The following PYGB variants were observed in gnomAD, a reference collection of about 807,000 sequenced individuals.
The protein encoded by PYGB is glycogen phosphorylase B.
A neutral mutation model predicts 94.3 loss-of-function variants in PYGB; 82 were observed. The ratio of observed to expected loss-of-function variants is 0.87; its 90% CI spans 0.73 to 1.04. The LOEUF (loss-of-function observed/expected upper bound fraction) is 1.04, where lower values mean the gene tolerates loss of function less well. Among genes scored for constraint, PYGB ranks in the 50% least tolerant of loss-of-function variants. PYGB has a pLI of 0.00. For synonymous variants in PYGB, 488 were observed against 479.1 expected, an observed-to-expected ratio of 1.02 and a Z score of -0.24; for missense variants, 1,132 against 1,158.2, an observed-to-expected ratio of 0.98 and a Z score of 0.33.
intron 2 of PYGB, among the ~76,000 whole-genome samples, chr20:25,263,970 C>G (rs1378411988): frequency 6.6e-6 from 1 of 152,090 alleles, no homozygotes; most frequent in South Asian, 2.1e-4. Context: ...CTGGCAGAGA[C>G]AACCAAAAAA....
intron 2 of PYGB, among the ~76,000 whole-genome samples, chr20:25,263,827 T>A (rs1438530406): frequency 6.6e-6 from 1 of 152,174 alleles, no homozygotes; most frequent in Non-Finnish European, 1.5e-5. Context: ...ACCAGAGGGA[T>A]TCACAGCTGA....
At chr20:25,251,461 A>G (rs1555330) in intron 1 of PYGB, among the ~76,000 whole-genome samples, 2 of 152,038 alleles carry the variant, frequency 1.3e-5, no homozygotes, top group African/African-American at 2.4e-5. Flanking sequence ...AAATGTTTCT[A>G]TTTCATATTG....
intron 15 of PYGB, among the ~76,000 whole-genome samples, chr20:25,288,830 C>T (rs1019893819): frequency 2.0e-5 from 3 of 152,206 alleles, no homozygotes; most frequent in Non-Finnish European, 4.4e-5. Context: ...CTGAGCATTG[C>T]CTGGTTTCAG....
Position 25,292,567 on chromosome 20 carries a change from A to G in PYGB, c.2131A>G (p.Ile711Val), listed in dbSNP as rs1278479512. 1.9e-6 allele frequency: 3 copies of G among 1,613,174 alleles called. No individual in the cohort carries two copies. In the South Asian group the frequency reaches 3.3e-5, roughly 18 times the overall value. Residue 711 changes from isoleucine (I) to valine (V), a missense_variant, in exon 17 of 20, where the codon ATC becomes GTC. Ile to Val is a conservative substitution (Grantham distance 29). Coordinates refer to ENST00000216962, the MANE Select transcript of PYGB (RefSeq NM_002862.4). ...AEEAGAENLF[I>V]FGLRVEDVEA... ...GGAGGCCGGGGCCGAGAACCTCTTC[A>G]TCTTCGGCCTGCGGGTGGAGGATGT...
intron 1 of PYGB, among the ~76,000 whole-genome samples, chr20:25,249,020 C>T (rs950795500): frequency 6.6e-6 from 1 of 152,320 alleles, no homozygotes; most frequent in East Asian, 1.9e-4. Context: ...GTTCCCACAC[C>T]TCCCTTGGAG....
intron 2 of PYGB, among the ~76,000 whole-genome samples, chr20:25,261,333 GT>G (rs2092913046): frequency 6.6e-6 from 1 of 152,336 alleles, no homozygotes; most frequent in African/African-American, 2.4e-5. Context: ...AGTATTCACT[GT>G]TCTGCAGCCT....
chr20:25,292,629 C>T lies in PYGB; in HGVS notation c.2177+16C>T, dbSNP rs1231261757. ...ACCGGAAAGGGTGCGAGCCTGTGCC[C>T]CTGGGCACCTGGCACCGTGAGGATG... On this transcript the variant is annotated intron_variant, in intron 17 of 19. Coordinates refer to ENST00000216962, the MANE Select transcript of PYGB (RefSeq NM_002862.4). 4.4e-6 allele frequency: 7 copies of T among 1,606,388 alleles called. No individual in the cohort carries two copies. The Admixed American group carries it at 6.7e-5, about 15-fold the overall frequency.
chr20:25,264,844 C>G (rs1361774124), intron 2 of PYGB, among the ~76,000 whole-genome samples: 2 of 152,124 alleles, frequency 1.3e-5, no homozygotes, highest in African/African-American at 4.8e-5. Context: ...GAAAATGGTC[C>G]TACTGCCCAA....
In PYGB at chr20:25,276,693, C is replaced by G. The variant is rs200036828; in HGVS notation, c.708C>G (p.Asn236Lys). ...PYDTPVPGYK[N>K]NTVNTMRLWS... is the part of the protein sequence containing the mutation. ...ACACCCCAGTGCCCGGCTACAAGAA[C>G]AACACCGTCAACACCATGCGGCTGT... Residue 236 changes from asparagine to lysine, a missense_variant, in exon 6 of 20, where the codon AAC becomes AAG. Asn to Lys is a moderately conservative substitution (Grantham distance 94). Transcript: ENST00000216962. The G allele has an allele frequency of 6.2e-7, 1 of 1,613,966 alleles. No individual in the cohort carries two copies. The highest frequency in any genetic ancestry group is 1.1e-5 in the South Asian group (1 of 91,080).
intron 1 of PYGB, among the ~76,000 whole-genome samples, chr20:25,257,484 T>C (rs1056842558): frequency 6.6e-6 from 1 of 152,152 alleles, no homozygotes; most frequent in Non-Finnish European, 1.5e-5. Flanking sequence ...AGTAGAAAAG[T>C]TCTAAGTAGA....
chr20:25,257,480 A>G (rs905498463), intron 1 of PYGB, among the ~76,000 whole-genome samples: 1 of 152,248 alleles, frequency 6.6e-6, no homozygotes, highest in Non-Finnish European at 1.5e-5. Context: ...CCACAGTAGA[A>G]AAGTTCTAAG....
chr20:25,296,381 G>A lies in PYGB; in HGVS notation c.2391G>A (p.Glu797=). 2 of 1,614,096 alleles carry A rather than the reference G, an allele frequency of 1.2e-6. No individual in the cohort carries two copies. Among genetic ancestry groups the A allele is most frequent in the Non-Finnish European group, 1.7e-6 (2 of 1,180,034 alleles). The change falls in exon 20 of 20, where the codon GAG becomes GAA. Residue 797 remains glutamate (E), a synonymous_variant. Transcript: ENST00000216962. ...CTCCTTCCCTGCAGAACCCCAAGGA[G>A]TGGACCAAGAAGGTCATCAGGAACA... is the stretch of plus-strand genomic sequence containing the variant. The part of the protein sequence containing the change: ...QVDQLYRNPK[E]WTKKVIRNIA...
chr20:25,292,254 GGGAGCGGGAGTGGGGGCT>G, intron 16 of PYGB, 134 bp from the exon 17 acceptor site: 1 of 860,794 alleles, frequency 1.2e-6, no homozygotes, highest in Non-Finnish European at 1.7e-6. Flanking sequence ...GGGCCCCTGT[GGGAGCGGGAGTGGGGGCT>G]GGAGCGGGGC....
chr20:25,281,195 C>G, intron 11 of PYGB, 83 bp downstream of exon 11: 1 of 1,532,400 alleles, frequency 6.5e-7, no homozygotes, highest in Non-Finnish European at 8.9e-7. Flanking sequence ...AACACATGGA[C>G]CCAGCTATAT....
intron 2 of PYGB, among the ~76,000 whole-genome samples, chr20:25,267,055 A>G (rs1055174315): frequency 1.3e-5 from 2 of 152,240 alleles, no homozygotes; most frequent in African/African-American, 4.8e-5. Flanking sequence ...CAGCAGCATT[A>G]TTCATAACAG....
intron 16 of PYGB, among the ~76,000 whole-genome samples, chr20:25,291,660 C>T (rs1264372674): frequency 2.6e-5 from 4 of 152,128 alleles, no homozygotes; most frequent in African/African-American, 9.7e-5. Context: ...TCTCCTCTCC[C>T]CCGTGCTGCC....
At chr20:25,283,559 C>T (rs1241023507) in intron 13 of PYGB, among the ~76,000 whole-genome samples, 1 of 152,222 alleles carries the variant, frequency 6.6e-6, no homozygotes, top group African/African-American at 2.4e-5. Context: ...CCCTCTGCCA[C>T]AGGTCAGTTC....
At position 25,295,631 on chromosome 20, in the gene PYGB, C is replaced by G; in HGVS notation, c.2340C>G (p.Ala780=). ...DRFKVFADYE[A]YMQCQAQVDQ... is the part of the protein sequence containing the mutation. ...TCAAGGTGTTTGCAGACTATGAAGC[C>G]TACATGCAGTGCCAGGCACAGGTGG... is the stretch of plus-strand genomic sequence containing the variant. The change falls in exon 19 of 20, where the codon GCC becomes GCG. Residue 780 remains alanine (A), a synonymous_variant. Coordinates refer to ENST00000216962, the MANE Select transcript of PYGB (RefSeq NM_002862.4). The G allele has an allele frequency of 6.2e-7, 1 of 1,614,106 alleles. No homozygotes were observed. The highest frequency in any genetic ancestry group is 1.3e-5 in the African/African-American group (1 of 75,076).
At chr20:25,293,979 G>A in intron 17 of PYGB, 179 bp from the exon 18 acceptor site, 2 of 704,400 alleles carry the variant, frequency 2.8e-6, no homozygotes, top group Non-Finnish European at 4.7e-6. Context: ...GCTCGAGCAG[G>A]TCCCTGCTCA....
Sources: allele counts gnomAD v4.1 joint callset (sites outside exome capture counted in the v4.1 genomes callset), GRCh38; gene constraint gnomAD v4.1.1; transcripts MANE v1.5; gene names NCBI Gene and HGNC (gene_info 2026-07-23, HGNC 2026-07-21).